The following FAM216B variants were observed in gnomAD, a reference collection of about 807,000 sequenced individuals.
FAM216B encodes family with sequence similarity 216 member B.
A neutral mutation model predicts 12.9 loss-of-function variants in FAM216B; 11 were observed. That is an observed-to-expected ratio of 0.86 (90% CI 0.54 to 1.42). The LOEUF (loss-of-function observed/expected upper bound fraction) is 1.42, where lower values mean the gene tolerates loss of function less well. FAM216B is among the 40% of genes most tolerant of loss of function. The probability of loss-of-function intolerance (pLI) is 0.00; values close to 1 mark genes in which losing one functional copy is unlikely to be tolerated. For missense variants in FAM216B, 167 were observed against 162.9 expected (o/e 1.02, Z -0.14); for synonymous variants, 52 against 57.2 (o/e 0.91, Z 0.41).
At chr13:42,786,022 A>G (rs1335136758) in intron 2 of FAM216B, among the ~76,000 whole-genome samples, 1 of 152,224 alleles carries the variant, frequency 6.6e-6, no homozygotes. Context: ...TGCCTTAAAT[A>G]AAGACCTTTG....
At chr13:42,786,114 A>T (rs1014651762) in intron 2 of FAM216B, among the ~76,000 whole-genome samples, 2 of 152,174 alleles carry the variant, frequency 1.3e-5, no homozygotes, top group African/African-American at 4.8e-5. Context: ...GTCTTTTCAC[A>T]ATCAGACTCT....
In FAM216B at chr13:42,786,793, T is replaced by C; in HGVS notation, c.130T>C (p.Tyr44His). ...ALNQGQQRYF[Y>H]SIMRIYNSRP... Reference sequence around the variant, plus strand: ...CAACCAAGGGCAACAGCGCTACTTTTACAGCATTATGAGGATTTACAACTC... The same window carrying C: ...CAACCAAGGGCAACAGCGCTACTTTCACAGCATTATGAGGATTTACAACTC... The change falls in exon 3 of 4, where the codon TAC becomes CAC. Residue 44 changes from tyrosine to histidine, a missense_variant. Tyr to His is a moderately conservative substitution (Grantham distance 83, BLOSUM62 2). Transcript: ENST00000313851. The C allele has an allele frequency of 1.2e-6, 2 of 1,614,078 alleles. No homozygotes were observed. The highest frequency in any genetic ancestry group is 1.7e-6 in the Non-Finnish European group (2 of 1,179,954).
chr13:42,784,883 C>A lies in FAM216B; in HGVS notation c.99+717C>A, dbSNP rs1410232397. 2.0e-5 allele frequency among the ~76,000 whole-genome samples: 3 copies of A among 151,504 alleles called. No individual in the cohort carries two copies. In the East Asian group the frequency reaches 5.8e-4, roughly 29 times the overall value. Reference sequence around the variant, plus strand: ...AAAAATAAAAAAAAAATTTTCAGTTCTCTCCCAAACCCTCAAGGAAGGATC... The same window carrying A: ...AAAAATAAAAAAAAAATTTTCAGTTATCTCCCAAACCCTCAAGGAAGGATC... On this transcript the variant is annotated intron_variant, in intron 2 of 3. Coordinates refer to ENST00000313851, the MANE Select transcript of FAM216B (RefSeq NM_001318932.2).
At position 42,789,133 on chromosome 13, in the gene FAM216B, A is replaced by T. The variant is rs943358056; in HGVS notation, c.*343A>T. ...GGGCCAGGTCCTCTGTCACTGGGTG[A>T]CCATTTCTAGCAAACTATCATGTAT... On this transcript the variant is annotated 3_prime_UTR_variant, in exon 4 of 4. Coordinates refer to ENST00000313851, the MANE Select transcript of FAM216B (RefSeq NM_001318932.2). The T allele has an allele frequency of 2.7e-5, 5 of 184,804 alleles. No homozygotes were observed. The highest frequency in any genetic ancestry group is 1.2e-4 in the African/African-American group (5 of 42,656). The allele number at this position is 184,804 out of a possible 1,614,324, so 11.4% of individuals were successfully genotyped here. A position where few individuals can be genotyped will look rare whatever the true frequency, so the allele number is the denominator to read the frequency against.
intron 1 of FAM216B, among the ~76,000 whole-genome samples, chr13:42,783,333 A>G (rs1423440328): frequency 6.6e-6 from 1 of 152,204 alleles, no homozygotes; most frequent in Non-Finnish European, 1.5e-5. Context: ...TAAATAAACA[A>G]ATAAAAGGAA....
chr13:42,788,451 T>C (rs1874174688), intron 3 of FAM216B, 140 bp from the exon 4 acceptor site: 2 of 591,198 alleles, frequency 3.4e-6, no homozygotes, highest in Non-Finnish European at 5.7e-6. Flanking sequence ...TTTCCAATCT[T>C]CAAAGATCAT....
intron 2 of FAM216B, among the ~76,000 whole-genome samples, 186 bp downstream of exon 2, chr13:42,784,352 C>A (rs1429174057): frequency 2.6e-5 from 4 of 151,938 alleles, no homozygotes; most frequent in African/African-American, 9.7e-5. Flanking sequence ...TGGGTAACCT[C>A]CTACACTCGT....
At chr13:42,783,933 T>C (rs1344937781) in intron 1 of FAM216B, 121 bp from the exon 2 acceptor site, 13 of 532,500 alleles carry the variant, frequency 2.4e-5, no homozygotes, top group Non-Finnish European at 3.6e-5. Flanking sequence ...AATGTTCTTA[T>C]CCCTTAGAAC....
At chr13:42,783,553 G>A (rs567906892) in intron 1 of FAM216B, among the ~76,000 whole-genome samples, 1 of 151,970 alleles carries the variant, frequency 6.6e-6, no homozygotes, top group African/African-American at 2.4e-5. Flanking sequence ...GCATCTTGTG[G>A]GCACTAAAAA....
intron 3 of FAM216B, among the ~76,000 whole-genome samples, chr13:42,787,133 G>T (rs9533245): frequency 0.14 from 21,759 of 152,186 alleles, 1,629 homozygotes; most frequent in Middle Eastern, 0.19. Flanking sequence ...TCTGAGATTT[G>T]TGAGAACTTA....
chr13:42,782,668 A>G (rs1335655610), intron 1 of FAM216B, among the ~76,000 whole-genome samples: 1 of 152,176 alleles, frequency 6.6e-6, no homozygotes, highest in Non-Finnish European at 1.5e-5. Context: ...CAATATGTCT[A>G]TTCTTGCTGG....
rs71202236 is a variant in FAM216B at position 42,784,173 on chromosome 13, CTTTT to C, written c.99+24_99+27del. On this transcript the variant is annotated splice_region_variant and intron_variant, in intron 2 of 3. Transcript: ENST00000313851. ...TGACACTTCCTTACTAAAGGTATGGCTTTTTTTTTTTTTTTTTTTTCACAGATAG... is the reference window on the plus strand; with the variant it reads ...TGACACTTCCTTACTAAAGGTATGGCTTTTTTTTTTTTTTTTCACAGATAG... 7.1e-4 allele frequency: 532 copies of C among 748,912 alleles called. No homozygotes were observed. The highest frequency in any genetic ancestry group is 1.2e-3 in the South Asian group (42 of 35,556). The allele number at this position is 748,912 out of a possible 1,614,324, so 46.4% of individuals were successfully genotyped here.
rs180825862 is a variant in FAM216B, at chr13:42,786,888, G to C, written c.220+5G>C. On this transcript the variant is annotated splice_donor_5th_base_variant and intron_variant, in intron 3 of 3. Transcript: ENST00000313851. ...TTCAGCACCAACAGCTGCTTGGTAA[G>C]TTTAACTACGTGATCCAAACTAAGC... 1.2e-6 allele frequency: 2 copies of C among 1,613,574 alleles called. No individual in the cohort carries two copies. Among genetic ancestry groups the C allele is most frequent in the Non-Finnish European group, 1.7e-6 (2 of 1,179,674 alleles).
rs772235181 is a variant in FAM216B at position 42,786,785 on chromosome 13, G to A, written c.122G>A (p.Arg41His). ...LLKALNQGQQ[R>H]YFYSIMRIYN... The stretch of plus-strand genomic sequence containing the variant: ...CAGGCCCTCAACCAAGGGCAACAGC[G>A]CTACTTTTACAGCATTATGAGGATT... The change falls in exon 3 of 4, where the codon CGC becomes CAC. Residue 41 changes from arginine (R) to histidine (H), a missense_variant. Arg to His is a conservative substitution (Grantham distance 29). Transcript: ENST00000313851. The A allele has an allele frequency of 6.1e-5, 99 of 1,613,836 alleles. No individual in the cohort carries two copies. Among genetic ancestry groups the A allele is most frequent in the Admixed American group, 8.3e-5 (5 of 59,984 alleles).
At chr13:42,786,732 C>T (rs1874103739) in intron 2 of FAM216B, 31 bp from the exon 3 acceptor site, 1 of 1,611,394 alleles carries the variant, frequency 6.2e-7, no homozygotes, top group Non-Finnish European at 8.5e-7. Flanking sequence ...ACTCCACACA[C>T]TCATCAAAAT....
rs1471364986 is a variant in FAM216B at position 42,788,756 on chromosome 13, C to G, written c.386C>G (p.Ala129Gly). The change falls in exon 4 of 4, where the codon GCC becomes GGC. Residue 129 changes from alanine (A) to glycine (G), a missense_variant. Transcript: ENST00000313851. ...CCTGTATCTGTGGTTCTACCTAGGG[C>G]CCAAAGTAAAAGGCGCCAAGTGCTC... The part of the protein sequence containing the change: ...VLPVSVVLPR[A>G]QSKRRQVLRN 29 of 1,613,344 alleles carry G rather than the reference C, an allele frequency of 1.8e-5. No individual in the cohort carries two copies. The highest frequency in any genetic ancestry group is 2.4e-5 in the Non-Finnish European group (28 of 1,179,618).
chr13:42,782,281 G>A (rs964642267), intron 1 of FAM216B, among the ~76,000 whole-genome samples: 2 of 152,186 alleles, frequency 1.3e-5, no homozygotes, highest in South Asian at 2.1e-4. Context: ...ATGAACATGC[G>A]TGAAGGTCGG....
At chr13:42,788,447 A>G (rs1459870692) in intron 3 of FAM216B, 144 bp from the exon 4 acceptor site, 36 of 554,468 alleles carry the variant, frequency 6.5e-5, no homozygotes, top group Admixed American at 1.9e-4. Flanking sequence ...TATATTTCCA[A>G]TCTTCAAAGA....
chr13:42,784,005 T>C, intron 1 of FAM216B, 49 bp from the exon 2 acceptor site: 1 of 1,242,336 alleles, frequency 8.0e-7, no homozygotes, highest in Non-Finnish European at 1.1e-6. Context: ...ATCCCCAAAA[T>C]TGGTTGAGCT....
Sources: allele counts gnomAD v4.1 joint callset (sites outside exome capture counted in the v4.1 genomes callset), GRCh38; gene constraint gnomAD v4.1.1; transcripts MANE v1.5; gene names NCBI Gene and HGNC (gene_info 2026-07-23, HGNC 2026-07-21).